The following SGCZ variants were observed in gnomAD, a reference collection of about 807,000 sequenced individuals.
SGCZ encodes the protein sarcoglycan zeta, also known as zeta-sarcoglycan.
Under a neutral mutation model 41.3 loss-of-function variants are expected in SGCZ, and 40 were observed. The ratio of observed to expected loss-of-function variants is 0.97; its 90% CI spans 0.75 to 1.26. The LOEUF is 1.26. Among genes scored for constraint, SGCZ ranks in the 50% most tolerant of loss-of-function variants. The probability of loss-of-function intolerance (pLI) is 0.00; values close to 1 mark genes in which losing one functional copy is unlikely to be tolerated. For synonymous variants in SGCZ, 206 were observed against 137.5 expected (o/e 1.50, Z -3.49); for missense variants, 552 against 369.8 (o/e 1.49, Z -4.04).
At chr8:14,962,033 T>A (rs934896328) in intron 1 of SGCZ, among the ~76,000 whole-genome samples, 1 of 152,160 alleles carries the variant, frequency 6.6e-6, no homozygotes, top group African/African-American at 2.4e-5. Flanking sequence ...CTGAAAAACT[T>A]TAAGACCAAG....
intron 4 of SGCZ, among the ~76,000 whole-genome samples, chr8:14,204,023 G>C (rs573474997): frequency 2.0e-5 from 3 of 152,066 alleles, no homozygotes; most frequent in Admixed American, 1.3e-4. Flanking sequence ...TAAATATATG[G>C]AGAGGGGAGA....
At chr8:15,213,364 T>A (rs1189483708) in intron 1 of SGCZ, among the ~76,000 whole-genome samples, 1 of 151,866 alleles carries the variant, frequency 6.6e-6, no homozygotes, top group African/African-American at 2.4e-5. Context: ...TGGGTAATTA[T>A]ATAGAAAAAT....
At chr8:15,097,578 C>T (rs2131073991) in intron 1 of SGCZ, among the ~76,000 whole-genome samples, 1 of 151,558 alleles carries the variant, frequency 6.6e-6, no homozygotes, top group Middle Eastern at 3.4e-3. Flanking sequence ...AGTGAAACCC[C>T]ATCTCTACAA....
At chr8:14,665,794 T>C (rs1807891969) in intron 1 of SGCZ, among the ~76,000 whole-genome samples, 1 of 152,148 alleles carries the variant, frequency 6.6e-6, no homozygotes, top group Non-Finnish European at 1.5e-5. Flanking sequence ...CTTTACTAGC[T>C]GTAAATAAAG....
intron 1 of SGCZ, among the ~76,000 whole-genome samples, chr8:14,877,926 G>T (rs978672510): frequency 6.6e-6 from 1 of 151,660 alleles, no homozygotes; most frequent in Non-Finnish European, 1.5e-5. Flanking sequence ...ATGTGAAATT[G>T]GGGAACTTTG....
At position 14,110,111 on chromosome 8, in the gene SGCZ, G is replaced by C. The variant is rs555651755; in HGVS notation, c.548-1876C>G. 5.3e-5 allele frequency among the ~76,000 whole-genome samples: 8 copies of C among 152,090 alleles called. No homozygotes were observed. In the South Asian group the frequency reaches 8.3e-4, roughly 16 times the overall value. On this transcript the variant is annotated intron_variant, in intron 5 of 7. Coordinates refer to ENST00000382080, the MANE Select transcript of SGCZ (RefSeq NM_139167.4). ...CTACTAGTGGAACATTCCTCAAGGT[G>C]GGTCTTTAAAAGTAAAACAGTAGTT...
chr8:15,206,934 C>T (rs9918793), intron 1 of SGCZ, among the ~76,000 whole-genome samples: 8,296 of 152,094 alleles, frequency 0.055, 257 homozygotes, highest in South Asian at 0.074. Flanking sequence ...TTTGCTGTAA[C>T]AAGACAAATA....
chr8:14,435,954 C>T (rs1254946887), intron 2 of SGCZ, among the ~76,000 whole-genome samples: 2 of 152,094 alleles, frequency 1.3e-5, no homozygotes, highest in Admixed American at 6.6e-5. Context: ...AGGAAAATTG[C>T]CAAAAGTGTT....
At chr8:14,541,576 C>T (rs541941553) in intron 2 of SGCZ, among the ~76,000 whole-genome samples, 3 of 151,824 alleles carry the variant, frequency 2.0e-5, no homozygotes, top group Non-Finnish European at 2.9e-5. Flanking sequence ...CAAGTCAATG[C>T]TATTGTAATA....
chr8:14,975,134 G>A (rs754248974), intron 1 of SGCZ, among the ~76,000 whole-genome samples: 6 of 152,108 alleles, frequency 3.9e-5, no homozygotes, highest in South Asian at 2.1e-4. Context: ...GTGAAACCGC[G>A]TCTCTACTAA....
intron 4 of SGCZ, among the ~76,000 whole-genome samples, chr8:14,171,309 T>A (rs1804374409): frequency 6.6e-6 from 1 of 151,990 alleles, no homozygotes; most frequent in African/African-American, 2.4e-5. Flanking sequence ...ATATTTTGTT[T>A]CAAATAACAT....
chr8:14,894,103 T>A (rs934811328), intron 1 of SGCZ, among the ~76,000 whole-genome samples: 2 of 152,184 alleles, frequency 1.3e-5, no homozygotes, highest in Non-Finnish European at 2.9e-5. Flanking sequence ...TTTATCAAGC[T>A]TTAATTAATG....
In SGCZ at chr8:14,835,851, A is replaced by G. The variant is rs374321061; in HGVS notation, c.40-280925T>C. On this transcript the variant is annotated intron_variant, in intron 1 of 7. Coordinates refer to ENST00000382080, the MANE Select transcript of SGCZ (RefSeq NM_139167.4). ...TGTTTTCAGTAGAAACAATCATTAC[A>G]AAGTCTTAAAAATAATAATTTGCAA... Among the ~76,000 whole-genome samples the G allele has an allele frequency of 4.1e-3, 627 of 152,330 alleles. 5 individuals carry two copies. Among genetic ancestry groups the G allele is most frequent in the South Asian group, 0.015 (74 of 4,822 alleles).
chr8:15,172,683 T>G (rs1799881199), intron 1 of SGCZ, among the ~76,000 whole-genome samples: 1 of 152,220 alleles, frequency 6.6e-6, no homozygotes, highest in Non-Finnish European at 1.5e-5. Context: ...ACACTTGGTC[T>G]TGGAGTCTAT....
chr8:14,571,670 C>T (rs1804559658), intron 1 of SGCZ, among the ~76,000 whole-genome samples: 1 of 152,134 alleles, frequency 6.6e-6, no homozygotes, highest in South Asian at 2.1e-4. Context: ...TTAATTCTGT[C>T]TTCTGCCTAA....
intron 3 of SGCZ, among the ~76,000 whole-genome samples, chr8:14,262,111 A>T (rs1256188157): frequency 6.6e-6 from 1 of 152,206 alleles, no homozygotes; most frequent in Non-Finnish European, 1.5e-5. Context: ...ATGAGTATCA[A>T]TTAGCAAATG....
chr8:14,637,364 T>A (rs1243169783), intron 1 of SGCZ, among the ~76,000 whole-genome samples: 1 of 151,742 alleles, frequency 6.6e-6, no homozygotes, highest in Non-Finnish European at 1.5e-5. Flanking sequence ...CGTGCAGGTT[T>A]GTTACACGAG....
intron 3 of SGCZ, among the ~76,000 whole-genome samples, chr8:14,320,977 A>C (rs372287179): frequency 6.6e-6 from 1 of 152,086 alleles, no homozygotes; most frequent in East Asian, 1.9e-4. Flanking sequence ...CTTGGGAAAC[A>C]TACTCCAATT....
intron 1 of SGCZ, among the ~76,000 whole-genome samples, chr8:15,085,518 G>A (rs1470010053): frequency 6.6e-6 from 1 of 152,122 alleles, no homozygotes; most frequent in Non-Finnish European, 1.5e-5. Context: ...ACTAAAACAG[G>A]AGGATGTGGG....
Sources: gnomAD v4.1 joint callset for allele counts (sites outside exome capture counted in the v4.1 genomes callset) on GRCh38, gnomAD v4.1.1 for gene constraint, MANE v1.5 for transcripts, NCBI Gene and HGNC (gene_info 2026-07-23, HGNC 2026-07-21) for gene names.